Variants in DLG2 observed in about 807,000 individuals in gnomAD.
The protein encoded by DLG2 is discs large MAGUK scaffold protein 2, also known as disks large homolog 2.
Under a neutral mutation model 132.5 loss-of-function variants are expected in DLG2, and 45 were observed. The observed-to-expected ratio is 0.34, with a 90% CI of 0.27 to 0.44. The LOEUF (loss-of-function observed/expected upper bound fraction) is 0.44, where lower values mean the gene tolerates loss of function less well. Ranked by LOEUF, DLG2 falls within the 20% of genes least tolerant of loss-of-function variation. The probability of loss-of-function intolerance (pLI) is 1.00; values close to 1 mark genes in which losing one functional copy is unlikely to be tolerated. For synonymous variants in DLG2, 424 were observed against 419.6 expected (o/e 1.01, Z -0.13); for missense variants, 1,045 against 1,196.9 (o/e 0.87, Z 1.87).
chr11:83,820,487 G>A (rs2050460087), intron 17 of DLG2, among the ~76,000 whole-genome samples: 1 of 152,146 alleles, frequency 6.6e-6, no homozygotes, highest in African/African-American at 2.4e-5. Context: ...TTAGAATGAC[G>A]ATACCTAAGC....
At chr11:85,289,186 C>T (rs2078740170) in intron 3 of DLG2, among the ~76,000 whole-genome samples, 1 of 152,096 alleles carries the variant, frequency 6.6e-6, no homozygotes, top group Non-Finnish European at 1.5e-5. Context: ...TGATCAATGT[C>T]AAATTTCACT....
chr11:84,994,686 G>T (rs1415576872), intron 6 of DLG2, among the ~76,000 whole-genome samples: 1 of 152,178 alleles, frequency 6.6e-6, no homozygotes, highest in African/African-American at 2.4e-5. Flanking sequence ...ACAGAGTGTT[G>T]TGTTTAGAGA....
intron 3 of DLG2, among the ~76,000 whole-genome samples, chr11:85,375,407 A>G (rs903460773): frequency 2.0e-5 from 3 of 152,152 alleles, no homozygotes; most frequent in African/African-American, 7.2e-5. Context: ...TCGACTGGGC[A>G]TGGTGGCTCA....
intron 2 of DLG2, among the ~76,000 whole-genome samples, chr11:85,626,346 ATTC>A (rs1217374128): frequency 6.6e-6 from 1 of 152,242 alleles, no homozygotes; most frequent in Non-Finnish European, 1.5e-5. Context: ...TACTGAATCT[ATTC>A]TTATTACCAA....
At position 84,528,054 on chromosome 11, in the gene DLG2, CAA is replaced by C. The variant is rs1402766163; in HGVS notation, c.519+6514_519+6515del. Among the ~76,000 whole-genome samples the C allele has an allele frequency of 9.9e-5, 15 of 152,156 alleles. No homozygotes were observed. In the East Asian group the frequency reaches 2.9e-3, roughly 29 times the overall value. ...AAGTAACAAATAATTAATTATGAAT[CAA>C]GAGAATAATCTAGGTACTGAAAATC... is the stretch of plus-strand genomic sequence containing the variant. On this transcript the variant is annotated intron_variant, in intron 7 of 27. Transcript: ENST00000376104.
intron 6 of DLG2, among the ~76,000 whole-genome samples, chr11:84,583,482 T>G (rs1458507648): frequency 6.6e-6 from 1 of 152,232 alleles, no homozygotes; most frequent in African/African-American, 2.4e-5. Flanking sequence ...GGGTTAAGCC[T>G]GAAAGAAAAA....
chr11:84,161,343 C>T (rs1421195418), intron 9 of DLG2, among the ~76,000 whole-genome samples: 1 of 152,008 alleles, frequency 6.6e-6, no homozygotes, highest in African/African-American at 2.4e-5. Flanking sequence ...TCTGAGGTTC[C>T]AATGGGGCTA....
At chr11:85,599,783 G>T (rs1339816641) in intron 2 of DLG2, among the ~76,000 whole-genome samples, 1 of 152,128 alleles carries the variant, frequency 6.6e-6, no homozygotes, top group East Asian at 1.9e-4. Context: ...ATACGAATTT[G>T]TCGGCAGTCT....
intron 6 of DLG2, among the ~76,000 whole-genome samples, chr11:84,725,288 A>T (rs1456220418): frequency 6.6e-6 from 1 of 152,048 alleles, no homozygotes; most frequent in East Asian, 1.9e-4. Flanking sequence ...CTTCCTTATG[A>T]CCCCTATAAG....
At chr11:85,317,917 A>C (rs1193907359) in intron 3 of DLG2, among the ~76,000 whole-genome samples, 2 of 151,734 alleles carry the variant, frequency 1.3e-5, no homozygotes, top group Non-Finnish European at 1.5e-5. Flanking sequence ...AAAAAATAGC[A>C]CCCAATTTAG....
At position 84,098,884 on chromosome 11, in the gene DLG2, AT is replaced by A. The variant is rs756753045; in HGVS notation, c.749+38del. 2.5e-6 allele frequency: 4 copies of A among 1,602,914 alleles called. No individual in the cohort carries two copies. In the Admixed American group the frequency reaches 6.8e-5, roughly 27 times the overall value. ...CAAATGTGTCTCATTGATGCAGCAG[AT>A]TTACTTTCAAAATCATTCTAATGTT... On this transcript the variant is annotated intron_variant, in intron 10 of 27. Transcript: ENST00000376104.
chr11:84,788,105 A>AAAC (rs1297712576), intron 6 of DLG2, among the ~76,000 whole-genome samples: 2 of 148,228 alleles, frequency 1.3e-5, no homozygotes, highest in Non-Finnish European at 3.0e-5. Flanking sequence ...TGTCTCAAAA[A>AAAC]AAAAAAAAAA....
intron 11 of DLG2, among the ~76,000 whole-genome samples, chr11:84,023,499 C>T (rs1185513440): frequency 1.3e-5 from 2 of 152,154 alleles, no homozygotes; most frequent in Admixed American, 1.3e-4. Flanking sequence ...CCTAGATTTA[C>T]TTGGCTTCAC....
chr11:84,717,163 C>A (rs1034323333), intron 6 of DLG2, among the ~76,000 whole-genome samples: 2 of 152,042 alleles, frequency 1.3e-5, no homozygotes. Flanking sequence ...TCTGGCCTAC[C>A]CATGAAAATG....
intron 3 of DLG2, among the ~76,000 whole-genome samples, chr11:85,483,054 T>C (rs2093337160): frequency 6.6e-6 from 1 of 152,110 alleles, no homozygotes; most frequent in African/African-American, 2.4e-5. Flanking sequence ...TTTTCAAATT[T>C]GGAGAAAGAT....
intron 6 of DLG2, among the ~76,000 whole-genome samples, chr11:84,633,745 G>A (rs1199157864): frequency 6.6e-6 from 1 of 152,120 alleles, no homozygotes; most frequent in Non-Finnish European, 1.5e-5. Flanking sequence ...TATGGGCCAG[G>A]CTTGTTTCCT....
intron 6 of DLG2, among the ~76,000 whole-genome samples, chr11:84,642,667 T>C (rs2099669145): frequency 2.6e-5 from 4 of 152,160 alleles, no homozygotes; most frequent in Admixed American, 2.6e-4. Flanking sequence ...CTGCCTGCTG[T>C]GCTACCTGTA....
intron 19 of DLG2, 79 bp downstream of exon 19, chr11:83,633,132 G>C: frequency 7.7e-7 from 1 of 1,294,200 alleles, no homozygotes; most frequent in South Asian, 1.2e-5. Context: ...CACATGTTCT[G>C]TTGCTACATG....
chr11:84,191,481 C>T (rs2154291137), intron 8 of DLG2, among the ~76,000 whole-genome samples: 1 of 152,266 alleles, frequency 6.6e-6, no homozygotes, highest in African/African-American at 2.4e-5. Flanking sequence ...ACATTAGAAA[C>T]TGCAGTAGAA....
Sources: allele counts gnomAD v4.1 joint callset (sites outside exome capture counted in the v4.1 genomes callset), GRCh38; gene constraint gnomAD v4.1.1; transcripts MANE v1.5; gene names NCBI Gene and HGNC (gene_info 2026-07-23, HGNC 2026-07-21).